CADM1: variants seen among roughly 807,000 people sequenced by gnomAD.
The protein encoded by CADM1 is cell adhesion molecule 1.
In CADM1, 15 loss-of-function variants were observed where a neutral mutation model predicts 53.1. That is an observed-to-expected ratio of 0.28 (90% CI 0.19 to 0.44). The LOEUF (loss-of-function observed/expected upper bound fraction) is 0.44, where lower values mean the gene tolerates loss of function less well. Ranked by LOEUF, CADM1 falls within the 20% of genes least tolerant of loss-of-function variation. CADM1 has a pLI of 1.00. For missense variants in CADM1, 434 were observed against 611.3 expected (o/e 0.71, Z 3.06); for synonymous variants, 281 against 243.0 (o/e 1.16, Z -1.45).
chr11:115,240,331 A>G lies in CADM1; in HGVS notation c.214T>C (p.Ser72Pro). 1 of 1,613,884 alleles carries G rather than the reference A, an allele frequency of 6.2e-7. No individual in the cohort carries two copies. Among genetic ancestry groups the G allele is most frequent in the Non-Finnish European group, 8.5e-7 (1 of 1,179,858 alleles). The change falls in exon 2 of 12, where the codon TCT (serine) becomes CCT (proline). Residue 72 changes from serine to proline, a missense_variant. Physicochemically the swap from Ser to Pro is moderately conservative, Grantham distance 74. Transcript: ENST00000331581. ...TTGGGATTCAGTAGCTGAATCACAG[A>G]GTCGTCACTCTTATTGACTTGGCAA... ...ISCQVNKSDD[S>P]VIQLLNPNRQ...
intron 1 of CADM1, among the ~76,000 whole-genome samples, chr11:115,492,263 C>T (rs945186228): frequency 6.6e-6 from 1 of 151,960 alleles, no homozygotes; most frequent in African/African-American, 2.4e-5. Context: ...GAATAGAACA[C>T]TACTCATTAT....
intron 1 of CADM1, among the ~76,000 whole-genome samples, chr11:115,465,195 T>C (rs1948873374): frequency 1.3e-5 from 2 of 152,206 alleles, no homozygotes; most frequent in Middle Eastern, 3.2e-3. Context: ...TGAGTGCTAC[T>C]ACCTCAGCAT....
intron 1 of CADM1, among the ~76,000 whole-genome samples, chr11:115,303,760 G>A (rs1944295108): frequency 6.6e-6 from 1 of 152,006 alleles, no homozygotes; most frequent in African/African-American, 2.4e-5. Flanking sequence ...GAGATGGGAA[G>A]CATTAGTGAA....
Position 115,173,680 on chromosome 11 carries a change from CT to C in CADM1, c.*2793del, listed in dbSNP as rs887826247. 12 of 482,446 alleles carry C rather than the reference CT, an allele frequency of 2.5e-5. No individual in the cohort carries two copies. The highest frequency in any genetic ancestry group is 4.8e-5 in the African/African-American group (2 of 41,906). The allele number at this position is 482,446 out of a possible 1,614,324, so 29.9% of individuals were successfully genotyped here. On this transcript the variant is annotated 3_prime_UTR_variant, in exon 12 of 12. Coordinates refer to ENST00000331581, the MANE Select transcript of CADM1 (RefSeq NM_001301043.2). The stretch of plus-strand genomic sequence containing the variant: ...AGAAGACAGATATTTTATAGTACTT[CT>C]TTTTTTTCTTTTTTTTTTTGTAAAA...
At chr11:115,376,919 A>C (rs554277463) in intron 1 of CADM1, among the ~76,000 whole-genome samples, 1 of 152,294 alleles carries the variant, frequency 6.6e-6, no homozygotes, top group Non-Finnish European at 1.5e-5. Flanking sequence ...ATATTTTGAC[A>C]ACAGCATGTT....
intron 1 of CADM1, among the ~76,000 whole-genome samples, chr11:115,453,892 C>T (rs996589048): frequency 6.6e-6 from 1 of 152,132 alleles, no homozygotes; most frequent in African/African-American, 2.4e-5. Flanking sequence ...ACTGACTCAG[C>T]TAAACAAGCA....
At chr11:115,469,874 G>C (rs773034800) in intron 1 of CADM1, among the ~76,000 whole-genome samples, 1 of 152,078 alleles carries the variant, frequency 6.6e-6, no homozygotes, top group Non-Finnish European at 1.5e-5. Context: ...CTTTCGCCAT[G>C]TTGGCCAGGC....
intron 5 of CADM1, 118 bp downstream of exon 5, chr11:115,228,995 G>A (rs1284667199): frequency 1.1e-6 from 1 of 946,376 alleles, no homozygotes; most frequent in Non-Finnish European, 1.6e-6. Flanking sequence ...TATTTTTCTA[G>A]CAAAAATAAG....
chr11:115,300,190 G>T (rs1393142856), intron 1 of CADM1, among the ~76,000 whole-genome samples: 2 of 152,132 alleles, frequency 1.3e-5, no homozygotes, highest in Non-Finnish European at 2.9e-5. Flanking sequence ...ACTCGGTGAT[G>T]ATGTGAATAA....
chr11:115,206,899 T>C (rs748680202), intron 8 of CADM1, among the ~76,000 whole-genome samples: 2 of 150,760 alleles, frequency 1.3e-5, no homozygotes, highest in Non-Finnish European at 3.0e-5. Context: ...TGGAAATTAA[T>C]TTAGCTATCC....
At chr11:115,281,834 A>G (rs1432249726) in intron 1 of CADM1, among the ~76,000 whole-genome samples, 4 of 152,220 alleles carry the variant, frequency 2.6e-5, no homozygotes, top group African/African-American at 9.6e-5. Context: ...AGGTAAGTTT[A>G]AAATCATAAT....
intron 1 of CADM1, among the ~76,000 whole-genome samples, chr11:115,427,574 C>T (rs1237743453): frequency 2.0e-5 from 3 of 152,026 alleles, no homozygotes; most frequent in Non-Finnish European, 4.4e-5. Flanking sequence ...TAGAAGAATA[C>T]AGAAGTTAGC....
chr11:115,387,609 T>G (rs1317826456), intron 1 of CADM1, among the ~76,000 whole-genome samples: 1 of 152,160 alleles, frequency 6.6e-6, no homozygotes. Flanking sequence ...AATCTATTTT[T>G]AGATGTATTA....
chr11:115,404,345 AAATATATATATATATATATATAT>A (rs1396941321), intron 1 of CADM1, among the ~76,000 whole-genome samples: 2,746 of 40,772 alleles, frequency 0.067, 339 homozygotes, highest in Non-Finnish European at 0.1. Context: ...AAAAAAAAAA[AAATATATATATATATATATATAT>A]ATATATATAT....
chr11:115,457,549 C>A (rs572398361), intron 1 of CADM1, among the ~76,000 whole-genome samples: 20 of 152,200 alleles, frequency 1.3e-4, no homozygotes, highest in African/African-American at 4.8e-4. Context: ...AAACCCAGAA[C>A]CTTTTGTCTT....
chr11:115,350,755 T>C lies in CADM1; in HGVS notation c.125-110335A>G, dbSNP rs1021852495. Reference sequence around the variant, plus strand: ...TAGCATTTTCTTTGTTTTGAATTCATTGAATTTATATCATCCTTCAACACT... The same window carrying C: ...TAGCATTTTCTTTGTTTTGAATTCACTGAATTTATATCATCCTTCAACACT... On this transcript the variant is annotated intron_variant, in intron 1 of 11. Coordinates refer to ENST00000331581, the MANE Select transcript of CADM1 (RefSeq NM_001301043.2). Among the ~76,000 whole-genome samples, 15 of 152,200 alleles carry C rather than the reference T, an allele frequency of 9.9e-5. No individual in the cohort carries two copies. In the East Asian group the frequency reaches 2.9e-3, roughly 29 times the overall value.
intron 7 of CADM1, among the ~76,000 whole-genome samples, chr11:115,211,453 C>A (rs1940953407): frequency 6.7e-6 from 1 of 148,650 alleles, no homozygotes; most frequent in Admixed American, 6.7e-5. Flanking sequence ...GAGATTTCCC[C>A]TGATATACTA....
chr11:115,185,533 GT>G lies in CADM1; in HGVS notation c.1165+5354del, dbSNP rs577703486. 2.5e-3 allele frequency among the ~76,000 whole-genome samples: 388 copies of G among 152,224 alleles called. 1 individual carries two copies. Among genetic ancestry groups the G allele is most frequent in the Admixed American group, 6.1e-3 (93 of 15,286 alleles). On this transcript the variant is annotated intron_variant, in intron 10 of 11. Transcript: ENST00000331581. ...CTAAATATGAAAACAAGTGTTTTGG[GT>G]TTTTTCTTGTTGATTTTTTCCCCTC...
At chr11:115,213,409 A>G (rs959457075) in intron 7 of CADM1, among the ~76,000 whole-genome samples, 2 of 152,242 alleles carry the variant, frequency 1.3e-5, no homozygotes, top group Non-Finnish European at 2.9e-5. Flanking sequence ...CAACATTGGT[A>G]GTGCGTAAAG....
Sources: gnomAD v4.1 joint callset for allele counts (sites outside exome capture counted in the v4.1 genomes callset) on GRCh38, gnomAD v4.1.1 for gene constraint, MANE v1.5 for transcripts, NCBI Gene and HGNC (gene_info 2026-07-23, HGNC 2026-07-21) for gene names.